PASD1: variants seen among roughly 807,000 people sequenced by gnomAD.
PASD1 encodes the protein circadian clock protein PASD1.
Under a neutral mutation model 58.8 loss-of-function variants are expected in PASD1, and 13 were observed. The observed-to-expected ratio is 0.22, with a 90% confidence interval of 0.14 to 0.35. The LOEUF (loss-of-function observed/expected upper bound fraction) is 0.35. PASD1 is among the 10% of genes least tolerant of loss of function. The pLI is 1.00. For synonymous variants in PASD1, 236 were observed against 216.7 expected (o/e 1.09, Z -0.78); for missense variants, 734 against 568.3 (o/e 1.29, Z -2.96).
At chrX:151,564,703 T>A (rs1422434867) in intron 1 of PASD1, among the ~76,000 whole-genome samples, 2 of 85,655 alleles carry the variant, frequency 2.3e-5, no homozygotes, top group Admixed American at 2.3e-4. Flanking sequence ...GCGAGACCTG[T>A]TCTCTACAAA....
At chrX:151,572,318 C>G (rs752244928) in intron 1 of PASD1, among the ~76,000 whole-genome samples, 1 of 111,232 alleles carries the variant, frequency 9.0e-6, no homozygotes, top group Non-Finnish European at 1.9e-5. Flanking sequence ...CAGTGCCTTG[C>G]CCATAGTATG....
intron 1 of PASD1, among the ~76,000 whole-genome samples, chrX:151,595,582 C>T (rs757057800): frequency 3.7e-5 from 4 of 109,205 alleles, no homozygotes; most frequent in South Asian, 8.2e-4. Flanking sequence ...AAAATGTACC[C>T]GGCGTTGTGG....
intron 6 of PASD1, among the ~76,000 whole-genome samples, chrX:151,622,279 A>G (rs56222103): frequency 0.14 from 15,583 of 110,220 alleles, 1,334 homozygotes; most frequent in African/African-American, 0.31. Flanking sequence ...GAGCCATTAA[A>G]ATATCTGGGA....
At chrX:151,656,047 G>C (rs1331646807) in intron 9 of PASD1, among the ~76,000 whole-genome samples, 1 of 112,001 alleles carries the variant, frequency 8.9e-6, no homozygotes, top group African/African-American at 3.2e-5. Flanking sequence ...TGTAAGGAAG[G>C]GATCCAGTTT....
At chrX:151,653,373 G>A (rs985020795) in intron 9 of PASD1, among the ~76,000 whole-genome samples, 1 of 109,162 alleles carries the variant, frequency 9.2e-6, no homozygotes, top group Admixed American at 9.8e-5. Flanking sequence ...TGTATTATTA[G>A]TAGAGACGGG....
chrX:151,584,676 T>C (rs1394987587), intron 1 of PASD1, among the ~76,000 whole-genome samples: 11 of 111,964 alleles, frequency 9.8e-5, no homozygotes, highest in African/African-American at 3.6e-4. Context: ...CCACAGGCCA[T>C]TACCCATTCT....
At chrX:151,575,784 G>A (rs1185213865) in intron 1 of PASD1, among the ~76,000 whole-genome samples, 3 of 110,799 alleles carry the variant, frequency 2.7e-5, no homozygotes, top group Non-Finnish European at 3.8e-5. Flanking sequence ...CTCCTCAGTA[G>A]CCAGTGAATA....
intron 1 of PASD1, among the ~76,000 whole-genome samples, chrX:151,573,511 G>A (rs895329553): frequency 1.8e-5 from 2 of 112,429 alleles, no homozygotes; most frequent in Admixed American, 9.4e-5. Flanking sequence ...TGCAGTGATC[G>A]GGGAGAGACT....
chrX:151,586,343 AAGAG>A (rs66572802), intron 1 of PASD1, among the ~76,000 whole-genome samples: 2,525 of 112,019 alleles, frequency 0.023, 58 homozygotes, highest in African/African-American at 0.076. Flanking sequence ...GTAGCGTAGC[AAGAG>A]AGAGAAAGAT....
At position 151,675,993 on chromosome X, in the gene PASD1, G is replaced by C. The variant is rs750773520; in HGVS notation, c.2176-4G>C. ...TTCCACCTTGTTTCACTTTTTCCTG[G>C]CAGGTGCAAGTTTCTGAGGTAGGAG... On this transcript the variant is annotated splice_region_variant and splice_polypyrimidine_tract_variant and intron_variant, in intron 15 of 15. Transcript: ENST00000370357. 1 of 1,208,320 alleles carries C rather than the reference G, an allele frequency of 8.3e-7. No homozygotes were observed. The highest frequency in any genetic ancestry group is 1.8e-5 in the South Asian group (1 of 56,166).
chrX:151,581,986 CTTTT>C (rs72381794), intron 1 of PASD1, among the ~76,000 whole-genome samples: 2 of 74,323 alleles, frequency 2.7e-5, no homozygotes, highest in Non-Finnish European at 4.7e-5. Flanking sequence ...TTTCTTTTTC[CTTTT>C]TTTTTTTTTT....
intron 1 of PASD1, among the ~76,000 whole-genome samples, chrX:151,595,562 CAA>C (rs751513597): frequency 2.1e-5 from 2 of 94,240 alleles, no homozygotes; most frequent in Admixed American, 1.2e-4. Context: ...ACTAAAAATA[CAA>C]AAAAAAAAAA....
At chrX:151,565,110 C>A (rs1391710253) in intron 1 of PASD1, among the ~76,000 whole-genome samples, 3 of 111,891 alleles carry the variant, frequency 2.7e-5, no homozygotes, top group African/African-American at 9.8e-5. Context: ...TTTGAGGTAT[C>A]CCTACTGACT....
At chrX:151,572,751 G>C (rs2124221211) in intron 1 of PASD1, among the ~76,000 whole-genome samples, 1 of 109,030 alleles carries the variant, frequency 9.2e-6, no homozygotes, top group African/African-American at 3.3e-5. Context: ...TCTTTTAAAT[G>C]GTTCATTTGA....
chrX:151,579,257 C>T (rs754860041), intron 1 of PASD1, among the ~76,000 whole-genome samples: 1 of 111,804 alleles, frequency 8.9e-6, no homozygotes. Context: ...TCTTACAAAC[C>T]GGTAAAGGCT....
At chrX:151,662,179 TG>T (rs1358825531) in intron 10 of PASD1, among the ~76,000 whole-genome samples, 7 of 112,251 alleles carry the variant, frequency 6.2e-5, no homozygotes, top group Non-Finnish European at 1.3e-4. Context: ...GCAATCTTGC[TG>T]TAAGAAAGAG....
intron 8 of PASD1, among the ~76,000 whole-genome samples, chrX:151,634,304 T>C (rs984057270): frequency 3.6e-5 from 4 of 110,875 alleles, no homozygotes; most frequent in South Asian, 7.7e-4. Context: ...ATTTTGTGTG[T>C]GTGTAATTTA....
Position 151,612,190 on chromosome X carries a change from T to G in PASD1, c.207+437T>G, listed in dbSNP as rs768733881. 8.8e-4 allele frequency among the ~76,000 whole-genome samples: 46 copies of G among 52,282 alleles called. 2 individuals carry two copies. Among genetic ancestry groups the G allele is most frequent in the Non-Finnish European group, 1.4e-3 (37 of 27,315 alleles). 45.4% of individuals were successfully genotyped at this position (52,282 alleles called of 115,157 possible). A position where few individuals can be genotyped will look rare whatever the true frequency, so the allele number is the denominator to read the frequency against. ...TGCATAGTATTCCCTGTTGTATATGTGCCACATTTTCTTAATCCAGCCTAT... is the reference window on the plus strand; with the variant it reads ...TGCATAGTATTCCCTGTTGTATATGGGCCACATTTTCTTAATCCAGCCTAT... On this transcript the variant is annotated intron_variant, in intron 4 of 15. Coordinates refer to ENST00000370357, the MANE Select transcript of PASD1 (RefSeq NM_173493.3).
At chrX:151,620,472 C>T (rs996973803) in intron 4 of PASD1, among the ~76,000 whole-genome samples, 1 of 108,926 alleles carries the variant, frequency 9.2e-6, no homozygotes, top group African/African-American at 3.4e-5. Context: ...GAAATTAGGT[C>T]AGCTGAAAAT....
Sources: allele counts gnomAD v4.1 joint callset (sites outside exome capture counted in the v4.1 genomes callset), GRCh38; gene constraint gnomAD v4.1.1; transcripts MANE v1.5; gene names NCBI Gene and HGNC (gene_info 2026-07-23, HGNC 2026-07-21).